Variants in MTERF4 observed in about 807,000 individuals in gnomAD.
The protein encoded by MTERF4 is mitochondrial transcription termination factor 4.
MTERF4 carries 17 observed loss-of-function variants against 22.5 expected under a neutral mutation model. The observed-to-expected ratio is 0.75, with a 90% confidence interval of 0.52 to 1.13. MTERF4 has a LOEUF of 1.13. Ranked by LOEUF, MTERF4 falls within the 50% of genes most tolerant of loss-of-function variation. The probability of loss-of-function intolerance (pLI) is 0.00; values close to 1 mark genes in which losing one functional copy is unlikely to be tolerated. For synonymous variants in MTERF4, 165 were observed against 175.3 expected (o/e 0.94, Z 0.47); for missense variants, 420 against 466.8 (o/e 0.90, Z 0.92).
intron 4 of MTERF4, among the ~76,000 whole-genome samples, chr2:241,081,468 G>A (rs1336234474): frequency 3.3e-5 from 5 of 152,170 alleles, no homozygotes; most frequent in Admixed American, 6.5e-5. Flanking sequence ...AGCACACTGC[G>A]GCCTGTCTCC....
chr2:241,074,903 C>T (rs558234356), exon 5 of MTERF4: 1 of 152,132 alleles, frequency 6.6e-6, no homozygotes, highest in Admixed American at 6.5e-5. Flanking sequence ...AACTTTGTGC[C>T]TAGAATTCCT....
chr2:241,063,571 C>T, the MTERF4 span: 21 of 1,541,704 alleles, frequency 1.4e-5, no homozygotes, highest in Non-Finnish European at 1.7e-5. Flanking sequence ...ACCCTTGACA[C>T]CCCTTCTCTG....
chr2:241,089,268 A>G, downstream of MTERF4: 1 of 1,543,796 alleles, frequency 6.5e-7, no homozygotes, highest in African/African-American at 1.4e-5. Context: ...CCTGCCCCTT[A>G]TAGGAGCCCT....
intron 2 of MTERF4, among the ~76,000 whole-genome samples, chr2:241,097,956 T>C (rs2064531891): frequency 6.6e-6 from 1 of 152,188 alleles, no homozygotes; most frequent in Non-Finnish European, 1.5e-5. Context: ...ACAACACCAA[T>C]GCTGACGTCC....
the MTERF4 span, among the ~76,000 whole-genome samples, chr2:241,046,997 G>A: frequency 1.3e-5 from 2 of 151,934 alleles, no homozygotes; most frequent in African/African-American, 2.4e-5. Context: ...ACAAAAATTA[G>A]CTGGGTGTGG....
chr2:241,080,307 T>C (rs780617103), intron 4 of MTERF4, among the ~76,000 whole-genome samples: 2 of 152,148 alleles, frequency 1.3e-5, no homozygotes, highest in Non-Finnish European at 2.9e-5. Context: ...AAAATCTTGT[T>C]TGTCTTTTGA....
chr2:241,101,588 C>A (rs2064710207), intron 1 of MTERF4, among the ~76,000 whole-genome samples: 1 of 152,256 alleles, frequency 6.6e-6, no homozygotes, highest in Non-Finnish European at 1.5e-5. Flanking sequence ...TGGCTGCTCT[C>A]CAGCCTCCCC....
chr2:241,063,845 G>A, the MTERF4 span: 2 of 775,700 alleles, frequency 2.6e-6, no homozygotes, highest in African/African-American at 1.7e-5. Context: ...GGGAGGGAGG[G>A]GTGGAGGTGA....
the MTERF4 span, chr2:241,065,422 TCTC>T: frequency 1.2e-6 from 2 of 1,612,970 alleles, no homozygotes; most frequent in Non-Finnish European, 1.7e-6. Context: ...GTCACCTACG[TCTC>T]CTCCGACGGC....
the MTERF4 span, among the ~76,000 whole-genome samples, chr2:241,060,057 G>A: frequency 6.6e-6 from 1 of 152,228 alleles, no homozygotes; most frequent in Non-Finnish European, 1.5e-5. Flanking sequence ...TACAGGGTCA[G>A]TATATAGAAC....
chr2:241,092,878 T>G (rs948970519), downstream of MTERF4: 4 of 152,124 alleles, frequency 2.6e-5, no homozygotes, highest in African/African-American at 7.3e-5. This position sits in a 1 kb window ranked among gnomAD's most constrained non-coding sequence, Gnocchi z 4.6. Flanking sequence ...CCACCCCACC[T>G]CCTCTCGTGT....
chr2:241,052,687 CGGCGG>C, the MTERF4 span, among the ~76,000 whole-genome samples: 6 of 1,700 alleles, frequency 3.5e-3, no homozygotes, highest in Non-Finnish European at 0.014. Context: ...GTGAGAGGGT[CGGCGG>C]GGGGGGGGGG....
chr2:241,046,082 C>T, the MTERF4 span, among the ~76,000 whole-genome samples: 1 of 152,110 alleles, frequency 6.6e-6, no homozygotes, highest in East Asian at 1.9e-4. Context: ...TAATATCAGC[C>T]ATTAGTGAAA....
chr2:241,098,649 T>G (rs902698646), intron 2 of MTERF4, among the ~76,000 whole-genome samples: 2 of 152,240 alleles, frequency 1.3e-5, no homozygotes, highest in Non-Finnish European at 2.9e-5. Flanking sequence ...ATCTAAACAC[T>G]CGACTAGAAT....
chr2:241,092,128 A>G (rs1292324825), downstream of MTERF4: 4 of 152,318 alleles, frequency 2.6e-5, no homozygotes, highest in Non-Finnish European at 5.9e-5. The surrounding 1 kb of genome is among the most constrained non-coding windows in gnomAD (Gnocchi z 4.6). Flanking sequence ...AAGGGCAGAG[A>G]CCAGGTGATG....
the MTERF4 span, chr2:241,050,030 G>A: frequency 1.1e-6 from 1 of 910,162 alleles, no homozygotes; most frequent in Non-Finnish European, 1.8e-6. Context: ...CTTGTTTCGC[G>A]AATTGCTGAC....
chr2:241,069,641 G>A (rs566301633), downstream of MTERF4, among the ~76,000 whole-genome samples: 6 of 152,284 alleles, frequency 3.9e-5, no homozygotes, highest in African/African-American at 1.2e-4. This position sits in a 1 kb window ranked among gnomAD's most constrained non-coding sequence, Gnocchi z 4.9. Context: ...CGACTGTGCC[G>A]CAGGGAGGGC....
chr2:241,043,423 A>T, the MTERF4 span, among the ~76,000 whole-genome samples: 1 of 152,316 alleles, frequency 6.6e-6, no homozygotes, highest in South Asian at 2.1e-4. Flanking sequence ...CTACATTTCA[A>T]AAGTTAAGCT....
chr2:241,059,659 T>G, the MTERF4 span, among the ~76,000 whole-genome samples: 5 of 152,250 alleles, frequency 3.3e-5, no homozygotes, highest in Admixed American at 6.5e-5. Context: ...CTTCATCATA[T>G]TAGGAGATGA....
Sources: allele counts gnomAD v4.1 joint callset (sites outside exome capture counted in the v4.1 genomes callset), GRCh38; gene constraint gnomAD v4.1.1; non-coding constraint Gnocchi (gnomAD v3.1); transcripts MANE v1.5; gene names NCBI Gene and HGNC (gene_info 2026-07-23, HGNC 2026-07-21).